CD82: variants seen among roughly 807,000 people sequenced by gnomAD.
CD82 encodes CD82 antigen.
Under a neutral mutation model 37.4 loss-of-function variants are expected in CD82, and 36 were observed. The ratio of observed to expected loss-of-function variants is 0.96; its 90% CI spans 0.74 to 1.27. CD82 has a LOEUF of 1.27. Ranked by LOEUF, CD82 falls within the 50% of genes most tolerant of loss-of-function variation. The pLI, the probability that CD82 is intolerant of heterozygous loss-of-function variation, is 0.00. For synonymous variants in CD82, 158 were observed against 137.4 expected (o/e 1.15, Z -1.05); for missense variants, 340 against 347.0 (o/e 0.98, Z 0.16).
intron 1 of CD82, among the ~76,000 whole-genome samples, chr11:44,568,222 A>G (rs1421867185): frequency 1.3e-5 from 2 of 152,248 alleles, no homozygotes; most frequent in East Asian, 3.9e-4. Flanking sequence ...GTGACTGGGA[A>G]GAAGGGGTCT....
intron 1 of CD82, among the ~76,000 whole-genome samples, chr11:44,566,860 G>A (rs1243601850): frequency 6.6e-6 from 1 of 151,966 alleles, no homozygotes; most frequent in East Asian, 1.9e-4. Context: ...GCCAGAAATT[G>A]CCACCTGCCA....
At chr11:44,571,204 T>TG (rs1249858637) in intron 1 of CD82, among the ~76,000 whole-genome samples, 1 of 152,180 alleles carries the variant, frequency 6.6e-6, no homozygotes, top group Non-Finnish European at 1.5e-5. Context: ...AGCATGACCT[T>TG]GGCCAGAGAG....
At chr11:44,609,651 C>T (rs375623363) in intron 6 of CD82, among the ~76,000 whole-genome samples, 3 of 152,314 alleles carry the variant, frequency 2.0e-5, no homozygotes, top group Admixed American at 6.5e-5. Flanking sequence ...GGTGGCGAGA[C>T]GGGTTCCTAG....
chr11:44,618,721 G>C lies in CD82; in HGVS notation c.724G>C (p.Glu242Gln). Residue 242 changes from glutamate (E) to glutamine (Q), a missense_variant and splice_region_variant, in exon 9 of 10, where the codon GAG becomes CAG. Transcript: ENST00000227155. ...LGVGVGVAIIELLGMVLSICL... is the reference protein window; with the variant it reads ...LGVGVGVAIIQLLGMVLSICL... Reference sequence around the variant, plus strand: ...CGTGGGCGTGGGTGTGGCCATCATCGAGGTCTGAGCCCCCTCCCCCATCCC... The same window carrying C: ...CGTGGGCGTGGGTGTGGCCATCATCCAGGTCTGAGCCCCCTCCCCCATCCC... The C allele has an allele frequency of 6.2e-7, 1 of 1,612,258 alleles. No individual in the cohort carries two copies. Among genetic ancestry groups the C allele is most frequent in the Non-Finnish European group, 8.5e-7 (1 of 1,178,858 alleles).
rs905251069 is a variant in CD82, at chr11:44,619,794, G to A, written c.*668G>A. On this transcript the variant is annotated 3_prime_UTR_variant, in exon 10 of 10. Coordinates refer to ENST00000227155, the MANE Select transcript of CD82 (RefSeq NM_002231.4). ...AAAAAAAAAAAAAAAAAAAAATTGG[G>A]GAGGGAAGGGCGTTAGATAAGGCAC... The A allele has an allele frequency of 1.3e-5, 2 of 151,974 alleles. No homozygotes were observed. The highest frequency in any genetic ancestry group is 6.8e-3 in the Middle Eastern group (2 of 294). 9.4% of individuals were successfully genotyped at this position (151,974 alleles called of 1,614,324 possible).
At chr11:44,581,172 G>A (rs539424097) in intron 1 of CD82, among the ~76,000 whole-genome samples, 2 of 152,298 alleles carry the variant, frequency 1.3e-5, no homozygotes, top group South Asian at 4.1e-4. Context: ...GGCCTTGGTG[G>A]GGTAATTTTC....
chr11:44,583,346 C>A (rs1377361406), intron 1 of CD82, among the ~76,000 whole-genome samples: 1 of 152,240 alleles, frequency 6.6e-6, no homozygotes, highest in Admixed American at 6.5e-5. Context: ...AAGCCCCTTT[C>A]TTTATCTAAA....
chr11:44,576,577 G>T (rs1380103120), intron 1 of CD82, among the ~76,000 whole-genome samples: 1 of 152,150 alleles, frequency 6.6e-6, no homozygotes, highest in Non-Finnish European at 1.5e-5. Context: ...AGCTCTCTTG[G>T]GATTCAGGGT....
chr11:44,596,682 G>C (rs774243124), intron 3 of CD82, among the ~76,000 whole-genome samples: 10 of 152,142 alleles, frequency 6.6e-5, no homozygotes, highest in Admixed American at 3.9e-4. Context: ...GATGGTGGAG[G>C]GGGGAGGGGC....
intron 3 of CD82, among the ~76,000 whole-genome samples, chr11:44,598,399 A>ATTTT (rs1853258404): frequency 2.3e-5 from 1 of 43,580 alleles, no homozygotes; most frequent in African/African-American, 7.6e-5. Flanking sequence ...TTTTGGCCTT[A>ATTTT]ATTTTTTTTT....
Position 44,588,296 on chromosome 11 carries a change from T to G in CD82, c.-21+740T>G, listed in dbSNP as rs547190522. ...TGGAGTGCAGAGGTGCGATCTTGGC[T>G]CACTGCCACCTCCACCTCCTGGGTT... On this transcript the variant is annotated intron_variant, in intron 2 of 9. Coordinates refer to ENST00000227155, the MANE Select transcript of CD82 (RefSeq NM_002231.4). Among the ~76,000 whole-genome samples, 41 of 151,858 alleles carry G rather than the reference T, an allele frequency of 2.7e-4. No homozygotes were observed. In the South Asian group the frequency reaches 6.4e-3, roughly 24 times the overall value.
At chr11:44,618,545 G>T (rs1055417301) in intron 8 of CD82, 95 bp from the exon 9 acceptor site, 1 of 1,164,852 alleles carries the variant, frequency 8.6e-7, no homozygotes, top group East Asian at 2.3e-5. Flanking sequence ...CTCTGTAGGG[G>T]CTTCCGGGCT....
chr11:44,592,835 T>C (rs1853165107), intron 2 of CD82, among the ~76,000 whole-genome samples: 1 of 152,164 alleles, frequency 6.6e-6, no homozygotes, highest in South Asian at 2.1e-4. Context: ...GGAAGAGCCA[T>C]TTAGTCTAAT....
Position 44,618,360 on chromosome 11 carries a change from C to T in CD82, c.637C>T (p.Gln213Ter). 5.6e-6 allele frequency: 9 copies of T among 1,612,850 alleles called. No homozygotes were observed. Among genetic ancestry groups the T allele is most frequent in the Non-Finnish European group, 6.8e-6 (8 of 1,179,832 alleles). The change falls in exon 8 of 10, where the codon CAG (glutamine) becomes TAG (stop). Residue 213 changes from glutamine (Q) to a stop codon, truncating the protein, a stop_gained. Transcript: ENST00000227155. LOFTEE classifies it high-confidence loss of function. Reference sequence around the variant, plus strand: ...CCACCCTGAGGACTGGCCTGTGTACCAGGAGGTGTGCGGGGGGCTGCGGAT... The same window carrying T: ...CCACCCTGAGGACTGGCCTGTGTACTAGGAGGTGTGCGGGGGGCTGCGGAT... The part of the protein sequence containing the change: ...GNHPEDWPVY[Q>*]EGCMEKVQAW...
chr11:44,580,358 C>T lies in CD82; in HGVS notation c.-102-7117C>T, dbSNP rs538040901. On this transcript the variant is annotated intron_variant, in intron 1 of 9. Transcript: ENST00000227155. The stretch of plus-strand genomic sequence containing the variant: ...GCCTGCAGAGTACTGAGAACTATAG[C>T]CTTGGGAGGCAGGAAGGATTAGCCC... Among the ~76,000 whole-genome samples, 5 of 152,248 alleles carry T rather than the reference C, an allele frequency of 3.3e-5. No individual in the cohort carries two copies. The South Asian group carries it at 1.0e-3, about 32-fold the overall frequency.
At position 44,619,285 on chromosome 11, in the gene CD82, C is replaced by T. The variant is rs1853622263; in HGVS notation, c.*159C>T. 1 of 615,120 alleles carries T rather than the reference C, an allele frequency of 1.6e-6. No individual in the cohort carries two copies. Among genetic ancestry groups the T allele is most frequent in the Non-Finnish European group, 2.9e-6 (1 of 342,884 alleles). The allele number at this position is 615,120 out of a possible 1,614,324, so 38.1% of individuals were successfully genotyped here. A position where few individuals can be genotyped will look rare whatever the true frequency, so the allele number is the denominator to read the frequency against. On this transcript the variant is annotated 3_prime_UTR_variant, in exon 10 of 10. Coordinates refer to ENST00000227155, the MANE Select transcript of CD82 (RefSeq NM_002231.4). ...GGCTTTCTGGGGCCTAGCGATCTCTCCTGGCCTATCCGCTGCCAGCCTTGA... is the reference window on the plus strand; with the variant it reads ...GGCTTTCTGGGGCCTAGCGATCTCTTCTGGCCTATCCGCTGCCAGCCTTGA...
chr11:44,604,976 G>T, intron 4 of CD82, 82 bp from the exon 5 acceptor site: 4 of 1,598,164 alleles, frequency 2.5e-6, no homozygotes, highest in Non-Finnish European at 2.6e-6. Flanking sequence ...CCAAAGAGGG[G>T]ATCCGGAAGA....
intron 4 of CD82, among the ~76,000 whole-genome samples, chr11:44,602,470 A>G (rs947304301): frequency 1.3e-5 from 2 of 152,236 alleles, no homozygotes; most frequent in Non-Finnish European, 1.5e-5. Context: ...GCTAAATTTT[A>G]TAATACAATT....
intron 6 of CD82, among the ~76,000 whole-genome samples, chr11:44,613,644 G>A (rs1410187090): frequency 1.3e-5 from 2 of 152,166 alleles, no homozygotes; most frequent in South Asian, 2.1e-4. Context: ...GCAACATGGC[G>A]AGACCCTGTC....
Sources: allele counts gnomAD v4.1 joint callset (sites outside exome capture counted in the v4.1 genomes callset), GRCh38; gene constraint gnomAD v4.1.1; transcripts MANE v1.5; gene names NCBI Gene and HGNC (gene_info 2026-07-23, HGNC 2026-07-21).